ATF7IP2: variants seen among roughly 807,000 people sequenced by gnomAD.
ATF7IP2 encodes the protein activating transcription factor 7-interacting protein 2.
A neutral mutation model predicts 64.2 loss-of-function variants in ATF7IP2; 42 were observed. The ratio of observed to expected loss-of-function variants is 0.65; its 90% CI spans 0.51 to 0.85. The LOEUF is 0.85. Among genes scored for constraint, ATF7IP2 ranks in the 40% least tolerant of loss-of-function variants. The probability of loss-of-function intolerance (pLI) is 0.00; values close to 1 mark genes in which losing one functional copy is unlikely to be tolerated. For missense variants in ATF7IP2, 933 were observed against 784.2 expected (o/e 1.19, Z -2.27); for synonymous variants, 308 against 272.8 (o/e 1.13, Z -1.27).
intron 1 of ATF7IP2, among the ~76,000 whole-genome samples, chr16:10,413,430 C>A (rs1049725358): frequency 6.6e-5 from 10 of 152,170 alleles, no homozygotes; most frequent in African/African-American, 2.2e-4. Context: ...TCTGAGACAT[C>A]CCCAGCCATG....
intron 1 of ATF7IP2, among the ~76,000 whole-genome samples, chr16:10,401,406 G>A (rs950253168): frequency 1.3e-5 from 2 of 152,122 alleles, no homozygotes; most frequent in Middle Eastern, 3.2e-3. Context: ...CTGACCTTGT[G>A]ATCCGCCCAC....
At position 10,440,170 on chromosome 16, in the gene ATF7IP2, T is replaced by A. The variant is rs192075281; in HGVS notation, c.1096-194T>A. On this transcript the variant is annotated intron_variant, in intron 7 of 13. Coordinates refer to ENST00000562102, the MANE Select transcript of ATF7IP2 (RefSeq NM_001393719.1). Reference sequence around the variant, plus strand: ...AGCGAAACTCCATCTCAAAAAAAAATTTTTTTTATTTATATATATGTATAT... The same window carrying A: ...AGCGAAACTCCATCTCAAAAAAAAAATTTTTTTATTTATATATATGTATAT... Among the ~76,000 whole-genome samples the A allele has an allele frequency of 2.4e-3, 363 of 149,166 alleles. 1 individual carries two copies. Among genetic ancestry groups the A allele is most frequent in the African/African-American group, 8.7e-3 (343 of 39,258 alleles).
At chr16:10,449,145 A>G (rs1013644743) in intron 8 of ATF7IP2, 1 of 152,196 alleles carries the variant, frequency 6.6e-6, no homozygotes, top group Non-Finnish European at 1.5e-5. Context: ...CCAGCCCTGC[A>G]TCCTAGGTAT....
intron 3 of ATF7IP2, 122 bp from the exon 4 acceptor site, chr16:10,428,746 A>C (rs1475522671): frequency 1.3e-5 from 2 of 152,226 alleles, no homozygotes; most frequent in Admixed American, 6.5e-5. Flanking sequence ...GATGTTTAAA[A>C]TTTTAAGTGT....
In ATF7IP2 at chr16:10,472,165, A is replaced by C. The variant is rs763389327; in HGVS notation, c.1408A>C (p.Ile470Leu). The change falls in exon 10 of 14, where the codon ATT becomes CTT. Residue 470 changes from isoleucine to leucine, a missense_variant. Physicochemically the swap from Ile to Leu is conservative, Grantham distance 5. Transcript: ENST00000562102. ...SVESPNLTTPITSNPTDTRKI... is the reference protein window; with the variant it reads ...SVESPNLTTPLTSNPTDTRKI... ...GGAAAGTCCTAATTTGACAACTCCA[A>C]TTACATCAAATCCAACAGGTATCTT... The C allele has an allele frequency of 1.3e-6, 2 of 1,562,898 alleles. No individual in the cohort carries two copies. The highest frequency in any genetic ancestry group is 4.5e-5 in the East Asian group (2 of 43,984).
At chr16:10,472,321 T>A (rs957971079) in intron 10 of ATF7IP2, 138 bp downstream of exon 10, 1 of 462,954 alleles carries the variant, frequency 2.2e-6, no homozygotes, top group South Asian at 4.8e-5. Context: ...CTAATTTATA[T>A]CATGGTTAAT....
intron 9 of ATF7IP2, among the ~76,000 whole-genome samples, chr16:10,463,862 T>G (rs1004326249): frequency 1.3e-5 from 2 of 152,236 alleles, no homozygotes; most frequent in African/African-American, 4.8e-5. Context: ...ATTTCTTATT[T>G]TCCCCCATTC....
Position 10,482,999 on chromosome 16 carries a change from C to T in ATF7IP2, c.*750C>T. The T allele has an allele frequency of 6.6e-6, 1 of 152,380 alleles. No individual in the cohort carries two copies. The highest frequency in any genetic ancestry group is 1.5e-5 in the Non-Finnish European group (1 of 68,050). 9.4% of individuals were successfully genotyped at this position (152,380 alleles called of 1,614,324 possible). A position where few individuals can be genotyped will look rare whatever the true frequency, so the allele number is the denominator to read the frequency against. ...GAAGTGCTGGGATTATAGGCGTAAG[C>T]CACCATGCCTGGCCAAAAATTAAAA... On this transcript the variant is annotated 3_prime_UTR_variant, in exon 14 of 14. Coordinates refer to ENST00000562102, the MANE Select transcript of ATF7IP2 (RefSeq NM_001393719.1).
chr16:10,389,896 A>AT (rs1268258695), intron 1 of ATF7IP2, among the ~76,000 whole-genome samples: 4 of 152,130 alleles, frequency 2.6e-5, no homozygotes, highest in Non-Finnish European at 5.9e-5. Context: ...GAGTTTTGTT[A>AT]TTTTGTTAAC....
intron 9 of ATF7IP2, among the ~76,000 whole-genome samples, chr16:10,471,101 C>G (rs9939008): frequency 6.6e-6 from 1 of 152,000 alleles, no homozygotes; most frequent in Non-Finnish European, 1.5e-5. Context: ...AAAAGATGTT[C>G]TTTTCAAAAA....
chr16:10,429,755 TTTA>T (rs1266321560), intron 4 of ATF7IP2, among the ~76,000 whole-genome samples: 214 of 143,760 alleles, frequency 1.5e-3, no homozygotes, highest in African/African-American at 4.6e-3. Flanking sequence ...TTTATTTTAT[TTTA>T]TTATTTTATT....
At chr16:10,409,364 C>G (rs1018109441) in intron 1 of ATF7IP2, among the ~76,000 whole-genome samples, 5 of 152,062 alleles carry the variant, frequency 3.3e-5, no homozygotes, top group African/African-American at 1.2e-4. Flanking sequence ...AGTTTGAGAA[C>G]AAAGAATAAG....
At chr16:10,453,702 C>T (rs1003943011) in intron 8 of ATF7IP2, among the ~76,000 whole-genome samples, 2 of 152,290 alleles carry the variant, frequency 1.3e-5, no homozygotes, top group East Asian at 3.9e-4. Flanking sequence ...ATCGCAACCT[C>T]CATCTCCTGG....
intron 12 of ATF7IP2, among the ~76,000 whole-genome samples, chr16:10,475,722 G>GAAAAAAAAAAAAAAAAAAAA (rs386384218): frequency 7.9e-4 from 33 of 41,616 alleles, no homozygotes; most frequent in Non-Finnish European, 9.2e-4. Context: ...TAAGAAGCCA[G>GAAAAAAAAAAAAAAAAAAAA]AAAAAAAAAA....
chr16:10,408,594 A>T (rs907511972), intron 1 of ATF7IP2, among the ~76,000 whole-genome samples: 1 of 152,216 alleles, frequency 6.6e-6, no homozygotes, highest in Non-Finnish European at 1.5e-5. Flanking sequence ...ATTAGTGGTG[A>T]TGAGCATTTT....
At chr16:10,458,111 T>C (rs1386246294) in intron 9 of ATF7IP2, among the ~76,000 whole-genome samples, 1 of 152,250 alleles carries the variant, frequency 6.6e-6, no homozygotes, top group Non-Finnish European at 1.5e-5. Context: ...CAGATAACTA[T>C]GCGTACACAA....
At chr16:10,453,971 T>C (rs2049079089) in intron 8 of ATF7IP2, 1 of 151,780 alleles carries the variant, frequency 6.6e-6, no homozygotes, top group Non-Finnish European at 1.5e-5. Flanking sequence ...GGCTTTTACT[T>C]GAAAATCCAA....
intron 3 of ATF7IP2, among the ~76,000 whole-genome samples, chr16:10,422,844 C>T (rs2048012946): frequency 6.6e-6 from 1 of 152,232 alleles, no homozygotes; most frequent in African/African-American, 2.4e-5. Context: ...CTGCGCTATA[C>T]ACGCTCCTGG....
chr16:10,476,500 T>TGTGTG (rs564543739), intron 12 of ATF7IP2, among the ~76,000 whole-genome samples: 1 of 151,812 alleles, frequency 6.6e-6, no homozygotes, highest in African/African-American at 2.4e-5. Flanking sequence ...GTGTGTGTGT[T>TGTGTG]TTTTTTTAAA....
Sources: allele counts gnomAD v4.1 joint callset (sites outside exome capture counted in the v4.1 genomes callset), GRCh38; gene constraint gnomAD v4.1.1; transcripts MANE v1.5; gene names NCBI Gene and HGNC (gene_info 2026-07-23, HGNC 2026-07-21).